BIRC3: variants seen among roughly 807,000 people sequenced by gnomAD.
BIRC3 encodes baculoviral IAP repeat containing 3.
In BIRC3, 26 loss-of-function variants were observed where a neutral mutation model predicts 59.0. The ratio of observed to expected loss-of-function variants is 0.44; its 90% CI spans 0.32 to 0.61. The LOEUF (loss-of-function observed/expected upper bound fraction) is 0.61. BIRC3 is among the 20% of genes least tolerant of loss of function. BIRC3 has a pLI of 0.04. For missense variants in BIRC3, 641 were observed against 711.5 expected, an observed-to-expected ratio of 0.90 and a Z score of 1.13; for synonymous variants, 243 against 249.2, an observed-to-expected ratio of 0.98 and a Z score of 0.24.
intron 1 of BIRC3, 73 bp downstream of exon 1, chr11:102,317,644 CCT>C (rs2135778565): frequency 6.5e-6 from 1 of 153,400 alleles, no homozygotes; most frequent in African/African-American, 2.4e-5. Flanking sequence ...CGCGCGCGCG[CCT>C]CCCCTGGTGT....
intron 1 of BIRC3, among the ~76,000 whole-genome samples, chr11:102,321,442 C>T (rs1237687607): frequency 6.6e-6 from 1 of 152,142 alleles, no homozygotes; most frequent in Non-Finnish European, 1.5e-5. Context: ...GCAACCTCCA[C>T]CTCCCAGGCT....
intron 7 of BIRC3, chr11:102,336,427 A>G (rs937668119): frequency 1.7e-6 from 1 of 603,842 alleles, no homozygotes; most frequent in Non-Finnish European, 2.8e-6. Context: ...CCCCATCACT[A>G]CAAAAAATTT....
At chr11:102,326,576 C>T (rs1951083160) in intron 3 of BIRC3, among the ~76,000 whole-genome samples, 1 of 152,214 alleles carries the variant, frequency 6.6e-6, no homozygotes, top group African/African-American at 2.4e-5. Context: ...AAAACTTTTG[C>T]TATTATTCAA....
intron 1 of BIRC3, among the ~76,000 whole-genome samples, chr11:102,317,994 A>C: frequency 6.6e-6 from 1 of 152,310 alleles, no homozygotes; most frequent in African/African-American, 2.4e-5. Flanking sequence ...TGGTAGGAAG[A>C]CAGCAGTTTT....
chr11:102,327,967 A>T (rs1701973492), intron 3 of BIRC3, 85 bp from the exon 4 acceptor site: 1 of 1,009,018 alleles, frequency 9.9e-7, no homozygotes, highest in Non-Finnish European at 1.5e-6. Flanking sequence ...TGGAATAAAC[A>T]CCTAGAGATG....
At position 102,338,910 on chromosome 11, in the gene BIRC3, A is replaced by T. The variant is rs943834290; in HGVS notation, c.*1808A>T. On this transcript the variant is annotated 3_prime_UTR_variant, in exon 9 of 9. Coordinates refer to ENST00000263464, the MANE Select transcript of BIRC3 (RefSeq NM_001165.5). ...GAGGGCAGGATAACATCAGAGAAAAACTTTGCTTCTGAGGCCTTCACTTTG... is the reference window on the plus strand; with the variant it reads ...GAGGGCAGGATAACATCAGAGAAAATCTTTGCTTCTGAGGCCTTCACTTTG... 9.0e-5 allele frequency: 20 copies of T among 221,134 alleles called. No homozygotes were observed. The highest frequency in any genetic ancestry group is 3.8e-4 in the African/African-American group (17 of 44,640). 13.7% of individuals were successfully genotyped at this position (221,134 alleles called of 1,614,324 possible).
In BIRC3 at chr11:102,324,520, T is replaced by C. The variant is rs1050770403; in HGVS notation, c.11T>C (p.Val4Ala). Residue 4 changes from valine to alanine, a missense_variant, in exon 2 of 9, where the codon GTA (valine) becomes GCA (alanine). By Grantham distance (64) the Val-to-Ala change is moderately conservative. Coordinates refer to ENST00000263464, the MANE Select transcript of BIRC3 (RefSeq NM_001165.5). ...CCCATTCATTTCATTATGAACATAG[T>C]AGAAAACAGCATATTCTTATCAAAT... Reference protein sequence around the residue: MNIVENSIFLSNLM... With the variant: MNIAENSIFLSNLM... 16 of 1,611,406 alleles carry C rather than the reference T, an allele frequency of 9.9e-6. No individual in the cohort carries two copies. The highest frequency in any genetic ancestry group is 1.3e-5 in the African/African-American group (1 of 74,830).
chr11:102,321,630 C>T (rs557886541), intron 1 of BIRC3, among the ~76,000 whole-genome samples: 1 of 152,354 alleles, frequency 6.6e-6, no homozygotes, highest in South Asian at 2.1e-4. Context: ...GCTGGGATTA[C>T]AGGCGTGAGC....
In BIRC3 at chr11:102,331,040, A is replaced by G. The variant is rs1463583457; in HGVS notation, c.1123A>G (p.Ile375Val). Residue 375 changes from isoleucine to valine, a missense_variant, in exon 6 of 9, where the codon ATC becomes GTC. Ile to Val is a conservative substitution (Grantham distance 29). Transcript: ENST00000263464. ...TGGAGAAGACCATTCAGAAGATGCAATCATGATGAATACTCCTGTGATTAA... is the reference window on the plus strand; with the variant it reads ...TGGAGAAGACCATTCAGAAGATGCAGTCATGATGAATACTCCTGTGATTAA... Reference protein sequence around the residue: ...EPGEDHSEDAIMMNTPVINAA... With the variant: ...EPGEDHSEDAVMMNTPVINAA... 1.5e-5 allele frequency: 25 copies of G among 1,613,782 alleles called. No individual in the cohort carries two copies. Among genetic ancestry groups the G allele is most frequent in the Non-Finnish European group, 2.0e-5 (24 of 1,179,816 alleles).
At position 102,336,055 on chromosome 11, in the gene BIRC3, G is replaced by A. The variant is rs145025961; in HGVS notation, c.1414G>A (p.Gly472Arg). ...AATCCTGGATAGTCTACTAACTGCCGGAATTATTAATGAACAAGAACATGA... is the reference window on the plus strand; with the variant it reads ...AATCCTGGATAGTCTACTAACTGCCAGAATTATTAATGAACAAGAACATGA... ...IPILDSLLTA[G>R]IINEQEHDVI... Residue 472 changes from glycine to arginine, a missense_variant, in exon 7 of 9, where the codon GGA (glycine) becomes AGA (arginine). Transcript: ENST00000263464. The A allele has an allele frequency of 1.8e-5, 29 of 1,613,386 alleles. No homozygotes were observed. In the South Asian group the frequency reaches 1.9e-4, roughly 10 times the overall value.
intron 1 of BIRC3, among the ~76,000 whole-genome samples, chr11:102,319,660 G>T (rs1392283220): frequency 6.6e-6 from 1 of 152,190 alleles, no homozygotes; most frequent in African/African-American, 2.4e-5. Flanking sequence ...GAGATGGAGT[G>T]CAGTGGAGAA....
intron 1 of BIRC3, among the ~76,000 whole-genome samples, chr11:102,320,879 GT>G (rs1027316285): frequency 6.6e-6 from 1 of 152,242 alleles, no homozygotes; most frequent in Admixed American, 6.5e-5. Flanking sequence ...AAGAGAACAT[GT>G]TCCCTCTCTA....
intron 5 of BIRC3, among the ~76,000 whole-genome samples, chr11:102,330,716 C>G (rs747568367): frequency 2.0e-5 from 3 of 152,154 alleles, no homozygotes; most frequent in Non-Finnish European, 4.4e-5. Context: ...GGGAGGTAAT[C>G]CCTGCCATTC....
chr11:102,336,344 C>T, intron 7 of BIRC3, 124 bp downstream of exon 7: 2 of 1,140,152 alleles, frequency 1.8e-6, no homozygotes, highest in Non-Finnish European at 2.4e-6. Flanking sequence ...GTAATCCTAA[C>T]ACCTTGGGAG....
chr11:102,338,703 G>T lies in BIRC3; in HGVS notation c.*1601G>T, dbSNP rs1180394900. ...ATATTATAACCTGCTATCAAGCAAG[G>T]TAGGTCAGAGAATTTATTTATGGCC... is the stretch of plus-strand genomic sequence containing the variant. On this transcript the variant is annotated 3_prime_UTR_variant, in exon 9 of 9. Transcript: ENST00000263464. 8.7e-6 allele frequency: 2 copies of T among 228,672 alleles called. No homozygotes were observed. Among genetic ancestry groups the T allele is most frequent in the East Asian group, 1.2e-4 (2 of 16,040 alleles). The allele number at this position is 228,672 out of a possible 1,614,324, so 14.2% of individuals were successfully genotyped here.
rs370738985 is a variant in BIRC3 at position 102,324,582 on chromosome 11, G to T, written c.73G>T (p.Asp25Tyr). The stretch of plus-strand genomic sequence containing the variant: ...CGCCAACACGTTTGAACTGAAATAC[G>T]ACTTGTCATGTGAACTGTACCGAAT... ...KSANTFELKY[D>Y]LSCELYRMST... The change falls in exon 2 of 9, where the codon GAC becomes TAC. Residue 25 changes from aspartate to tyrosine, a missense_variant. Asp to Tyr is a radical substitution (Grantham distance 160). Coordinates refer to ENST00000263464, the MANE Select transcript of BIRC3 (RefSeq NM_001165.5). 6.4e-5 allele frequency: 104 copies of T among 1,613,928 alleles called. No homozygotes were observed. Among genetic ancestry groups the T allele is most frequent in the Non-Finnish European group, 6.7e-5 (79 of 1,179,988 alleles).
In BIRC3 at chr11:102,337,648, A is replaced by G. The variant is rs1951210327; in HGVS notation, c.*546A>G. 1 of 330,820 alleles carries G rather than the reference A, an allele frequency of 3.0e-6. No individual in the cohort carries two copies. The highest frequency in any genetic ancestry group is 2.1e-5 in the African/African-American group (1 of 47,554). 20.5% of individuals were successfully genotyped at this position (330,820 alleles called of 1,614,324 possible). On this transcript the variant is annotated 3_prime_UTR_variant, in exon 9 of 9. Transcript: ENST00000263464. Reference sequence around the variant, plus strand: ...TGTCCTATACATCGAAGGTGTGCATATATGTTGAATGACATTTTAGGGACA... The same window carrying G: ...TGTCCTATACATCGAAGGTGTGCATGTATGTTGAATGACATTTTAGGGACA...
chr11:102,321,208 A>G (rs1294701692), intron 1 of BIRC3, among the ~76,000 whole-genome samples: 1 of 152,250 alleles, frequency 6.6e-6, no homozygotes, highest in Non-Finnish European at 1.5e-5. Flanking sequence ...CTAAGTGCAG[A>G]GTATGCAGAA....
chr11:102,337,346 A>G lies in BIRC3; in HGVS notation c.*244A>G, dbSNP rs1951207453. 4 of 402,894 alleles carry G rather than the reference A, an allele frequency of 9.9e-6. No homozygotes were observed. The highest frequency in any genetic ancestry group is 8.2e-5 in the African/African-American group (4 of 48,756). 25.0% of individuals were successfully genotyped at this position (402,894 alleles called of 1,614,324 possible). On this transcript the variant is annotated 3_prime_UTR_variant, in exon 9 of 9. Transcript: ENST00000263464. ...AGGTAGCACTACAAACACAATATTCAATCAAAATTTCAGCATTATTGAAAT... is the reference window on the plus strand; with the variant it reads ...AGGTAGCACTACAAACACAATATTCGATCAAAATTTCAGCATTATTGAAAT...
Sources: gnomAD v4.1 joint callset for allele counts (sites outside exome capture counted in the v4.1 genomes callset) on GRCh38, gnomAD v4.1.1 for gene constraint, MANE v1.5 for transcripts, NCBI Gene and HGNC (gene_info 2026-07-23, HGNC 2026-07-21) for gene names.